Variants in RANBP17 observed in about 807,000 individuals in gnomAD.
The protein encoded by RANBP17 is RAN binding protein 17, also known as ran-binding protein 17.
In RANBP17, 158 loss-of-function variants were observed where a neutral mutation model predicts 141.2. The observed-to-expected ratio is 1.12, with a 90% CI of 0.98 to 1.28. The LOEUF (loss-of-function observed/expected upper bound fraction) is 1.28, where lower values mean the gene tolerates loss of function less well. Among genes scored for constraint, RANBP17 ranks in the 50% most tolerant of loss-of-function variants. The pLI is 0.00. For synonymous variants in RANBP17, 430 were observed against 450.0 expected (o/e 0.96, Z 0.56); for missense variants, 1,438 against 1,290.7 (o/e 1.11, Z -1.75).
intron 5 of RANBP17, among the ~76,000 whole-genome samples, chr5:170,906,187 T>A (rs1475931183): frequency 6.6e-6 from 1 of 152,040 alleles, no homozygotes; most frequent in African/African-American, 2.4e-5. Context: ...TCATTCAAGA[T>A]TCACTGGTTA....
chr5:171,262,301 C>A (rs1581142027), intron 24 of RANBP17, among the ~76,000 whole-genome samples: 1 of 152,172 alleles, frequency 6.6e-6, no homozygotes, highest in African/African-American at 2.4e-5. Context: ...AGAAAAGCAA[C>A]CAGGCTCAAC....
In RANBP17 at chr5:171,251,557, ACTT is replaced by A. The variant is rs893127853; in HGVS notation, c.2776+8741_2776+8743del. Among the ~76,000 whole-genome samples the A allele has an allele frequency of 3.4e-4, 52 of 151,798 alleles. No individual in the cohort carries two copies. The South Asian group carries it at 0.011, about 32-fold the overall frequency. On this transcript the variant is annotated intron_variant, in intron 24 of 27. Transcript: ENST00000523189. Reference sequence around the variant, plus strand: ...ATTATAGTGGAAAAAAAAAAAAAAAACTTCTTGAAACAAATGAGAATGGAAACA... The same window carrying A: ...ATTATAGTGGAAAAAAAAAAAAAAAACTTGAAACAAATGAGAATGGAAACA...
chr5:171,036,729 G>A (rs1029577654), intron 14 of RANBP17, among the ~76,000 whole-genome samples: 1 of 152,094 alleles, frequency 6.6e-6, no homozygotes, highest in Admixed American at 6.6e-5. Flanking sequence ...TTAGGATAAT[G>A]GCCTCCAGCT....
chr5:171,087,255 T>G (rs1298569923), intron 14 of RANBP17, among the ~76,000 whole-genome samples: 1 of 152,150 alleles, frequency 6.6e-6, no homozygotes, highest in East Asian at 1.9e-4. Context: ...TTGTTCAGTT[T>G]CCATGTAGTT....
intron 20 of RANBP17, among the ~76,000 whole-genome samples, chr5:171,210,586 G>A (rs1256036960): frequency 6.6e-6 from 1 of 152,052 alleles, no homozygotes; most frequent in Non-Finnish European, 1.5e-5. Context: ...TTGTGCTCAG[G>A]AGGTCCCTTG....
intron 14 of RANBP17, among the ~76,000 whole-genome samples, chr5:171,028,529 T>G (rs1781364275): frequency 6.6e-6 from 1 of 152,194 alleles, no homozygotes. Context: ...ACATCTTCCA[T>G]ATCTAACCTT....
chr5:171,221,755 T>C lies in RANBP17; in HGVS notation c.2340-3T>C. 5 of 1,590,256 alleles carry C rather than the reference T, an allele frequency of 3.1e-6. No homozygotes were observed. Among genetic ancestry groups the C allele is most frequent in the Non-Finnish European group, 4.3e-6 (5 of 1,160,274 alleles). ...ATAGGCAATTTTTTTCTATATTTCT[T>C]AGATCCCAGCGTTTGAATTTTGATG... is the stretch of plus-strand genomic sequence containing the variant. On this transcript the variant is annotated splice_polypyrimidine_tract_variant and splice_region_variant and intron_variant, in intron 21 of 27. Transcript: ENST00000523189.
intron 13 of RANBP17, among the ~76,000 whole-genome samples, chr5:170,965,245 G>GTT (rs202116295): frequency 0.026 from 3,862 of 147,508 alleles, 150 homozygotes; most frequent in African/African-American, 0.09. Context: ...TGATGGGGTT[G>GTT]TTTTTTTTTT....
chr5:171,151,923 T>C (rs1758514962), intron 14 of RANBP17, among the ~76,000 whole-genome samples: 1 of 152,128 alleles, frequency 6.6e-6, no homozygotes, highest in Admixed American at 6.5e-5. Flanking sequence ...ATATATTTAA[T>C]TGAACTCTTG....
At chr5:170,942,510 G>A (rs142803958) in intron 12 of RANBP17, among the ~76,000 whole-genome samples, 3 of 152,242 alleles carry the variant, frequency 2.0e-5, no homozygotes, top group East Asian at 3.9e-4. Flanking sequence ...AGCATGAAAC[G>A]TAATAAAGTC....
chr5:171,222,222 T>C (rs551455411), intron 22 of RANBP17, among the ~76,000 whole-genome samples: 50 of 152,334 alleles, frequency 3.3e-4, no homozygotes, highest in African/African-American at 1.2e-3. Flanking sequence ...AAAATATCCT[T>C]GTAAAGAGCA....
chr5:170,924,443 A>G lies in RANBP17; in HGVS notation c.1361A>G (p.Glu454Gly). 1 of 1,613,570 alleles carries G rather than the reference A, an allele frequency of 6.2e-7. No homozygotes were observed. The change falls in exon 12 of 28, where the codon GAA (glutamate) becomes GGA (glycine). Residue 454 changes from glutamate (E) to glycine (G), a missense_variant. Glu to Gly is a moderately conservative substitution (Grantham distance 98). Coordinates refer to ENST00000523189, the MANE Select transcript of RANBP17 (RefSeq NM_022897.5). ...QLCTVSRCEY[E>G]KTCALLVQLF... ...TGCACGGTCAGCAGATGTGAATATG[A>G]AAAGACATGTGCTCTTCTTGTGCAG... is the stretch of plus-strand genomic sequence containing the variant.
rs146595701 is a variant in RANBP17, at chr5:171,159,599, A to T, written c.1711-10531A>T. On this transcript the variant is annotated intron_variant, in intron 14 of 27. Transcript: ENST00000523189. Reference sequence around the variant, plus strand: ...TTTTAAACTAATGATAGTGTTCTGGACCCCCGTGTCTGTGTACATTAATTT... The same window carrying T: ...TTTTAAACTAATGATAGTGTTCTGGTCCCCCGTGTCTGTGTACATTAATTT... Among the ~76,000 whole-genome samples, 26 of 152,144 alleles carry T rather than the reference A, an allele frequency of 1.7e-4. No individual in the cohort carries two copies. The East Asian group carries it at 4.4e-3, about 26-fold the overall frequency.
intron 3 of RANBP17, among the ~76,000 whole-genome samples, chr5:170,884,588 C>T (rs1008491463): frequency 7.9e-5 from 12 of 151,350 alleles, no homozygotes; most frequent in Non-Finnish European, 7.4e-5. Context: ...CTTGCGGTCT[C>T]GGGGTGGCAG....
At chr5:171,181,693 G>T (rs2127915343) in intron 16 of RANBP17, among the ~76,000 whole-genome samples, 1 of 152,244 alleles carries the variant, frequency 6.6e-6, no homozygotes, top group Middle Eastern at 3.4e-3. Context: ...CATACTAATT[G>T]TTTATCTTTT....
intron 14 of RANBP17, among the ~76,000 whole-genome samples, chr5:171,030,037 A>C (rs1781462021): frequency 6.6e-6 from 1 of 152,068 alleles, no homozygotes; most frequent in Non-Finnish European, 1.5e-5. Flanking sequence ...CCTATTGGCT[A>C]ATTTTCCAAG....
chr5:171,216,503 A>G (rs963029987), intron 21 of RANBP17, among the ~76,000 whole-genome samples: 8 of 152,120 alleles, frequency 5.3e-5, no homozygotes, highest in African/African-American at 1.7e-4. Context: ...TTTGAGCAGG[A>G]TGGCCATTTT....
rs764121867 is a variant in RANBP17 at position 171,242,760 on chromosome 5, T to G, written c.2716T>G (p.Leu906Val). Reference protein sequence around the residue: ...TQDHMSFIINLEPPVLMYVLT... With the variant: ...TQDHMSFIINVEPPVLMYVLT... ...GGACCATATGAGCTTCATCATCAAC[T>G]TAGAGCCTCCTGTACTCATGTATGT... Residue 906 changes from leucine to valine, a missense_variant, in exon 24 of 28, where the codon TTA becomes GTA. Leu to Val is a conservative substitution (Grantham distance 32). Transcript: ENST00000523189. 4 of 1,613,618 alleles carry G rather than the reference T, an allele frequency of 2.5e-6. No homozygotes were observed. In the African/African-American group the frequency reaches 5.3e-5, roughly 22 times the overall value.
intron 14 of RANBP17, among the ~76,000 whole-genome samples, chr5:171,138,678 C>A (rs79229666): frequency 6.6e-6 from 1 of 152,136 alleles, no homozygotes; most frequent in African/African-American, 2.4e-5. Flanking sequence ...TGATTTTTGA[C>A]AAATATGCCA....
Sources: gnomAD v4.1 joint callset for allele counts (sites outside exome capture counted in the v4.1 genomes callset) on GRCh38, gnomAD v4.1.1 for gene constraint, MANE v1.5 for transcripts, NCBI Gene and HGNC (gene_info 2026-07-23, HGNC 2026-07-21) for gene names.